The following CNTN3 variants were observed in gnomAD, a reference collection of about 807,000 sequenced individuals.
CNTN3 encodes contactin 3.
Under a neutral mutation model 119.1 loss-of-function variants are expected in CNTN3, and 60 were observed. The observed-to-expected ratio is 0.50, with a 90% CI of 0.41 to 0.62. The LOEUF is 0.62. Among genes scored for constraint, CNTN3 ranks in the 20% least tolerant of loss-of-function variants. The probability of loss-of-function intolerance (pLI) is 0.00; values close to 1 mark genes in which losing one functional copy is unlikely to be tolerated. For missense variants in CNTN3, 1,101 were observed against 1,242.4 expected (o/e 0.89, Z 1.71); for synonymous variants, 450 against 438.7 (o/e 1.03, Z -0.32).
intron 5 of CNTN3, among the ~76,000 whole-genome samples, chr3:74,417,477 A>C (rs938142508): frequency 2.6e-5 from 4 of 152,226 alleles, no homozygotes; most frequent in African/African-American, 9.6e-5. Flanking sequence ...ATCTTCCACA[A>C]ATAAATAGCT....
chr3:74,606,861 CTT>C (rs1705000802), intron 1 of CNTN3, among the ~76,000 whole-genome samples: 1 of 152,104 alleles, frequency 6.6e-6, no homozygotes, highest in African/African-American at 2.4e-5. Flanking sequence ...AGTTTACAGA[CTT>C]AATTTCACAG....
intron 3 of CNTN3, among the ~76,000 whole-genome samples, chr3:74,489,685 A>C (rs1702927756): frequency 6.7e-6 from 1 of 149,786 alleles, no homozygotes; most frequent in African/African-American, 2.5e-5. Flanking sequence ...CAGCATAATG[A>C]AAAGAAATGG....
intron 13 of CNTN3, among the ~76,000 whole-genome samples, chr3:74,317,577 T>A (rs1336256314): frequency 6.6e-6 from 1 of 152,092 alleles, no homozygotes; most frequent in Non-Finnish European, 1.5e-5. Context: ...TAAAGGATTT[T>A]ATTTCTCCTT....
chr3:74,604,818 C>T (rs72885387), intron 1 of CNTN3, among the ~76,000 whole-genome samples: 32,216 of 151,948 alleles, frequency 0.21, 5,264 homozygotes, highest in African/African-American at 0.45. Context: ...TCAAAGGAAA[C>T]GAAATCAGTA....
At chr3:74,612,425 T>C (rs1705098807) in intron 1 of CNTN3, among the ~76,000 whole-genome samples, 2 of 152,204 alleles carry the variant, frequency 1.3e-5, no homozygotes, top group Non-Finnish European at 2.9e-5. Flanking sequence ...TCTGGTTGTG[T>C]TGTGAAGAAT....
chr3:74,390,965 A>G (rs1383905519), intron 5 of CNTN3, among the ~76,000 whole-genome samples: 1 of 152,240 alleles, frequency 6.6e-6, no homozygotes, highest in Non-Finnish European at 1.5e-5. Context: ...TATTTATCAT[A>G]TGATAATATG....
At chr3:74,515,399 A>C (rs191354101) in intron 2 of CNTN3, among the ~76,000 whole-genome samples, 2 of 152,156 alleles carry the variant, frequency 1.3e-5, no homozygotes, top group Admixed American at 6.6e-5. Flanking sequence ...CTCTTTCCAC[A>C]CTGGTGAGCA....
intron 13 of CNTN3, among the ~76,000 whole-genome samples, chr3:74,321,505 G>A (rs901415729): frequency 6.6e-5 from 10 of 151,686 alleles, no homozygotes; most frequent in Non-Finnish European, 1.2e-4. Flanking sequence ...TCAGAAAACT[G>A]GAAAAATAGA....
At position 74,381,157 on chromosome 3, in the gene CNTN3, A is replaced by T. The variant is rs554843993; in HGVS notation, c.455-9758T>A. On this transcript the variant is annotated intron_variant, in intron 5 of 22. Coordinates refer to ENST00000263665, the MANE Select transcript of CNTN3 (RefSeq NM_020872.3). Reference sequence around the variant, plus strand: ...CTTTTGTCCATTAGTAGCACATCAAACTATTCATCAGAGTTAAACACCATT... The same window carrying T: ...CTTTTGTCCATTAGTAGCACATCAATCTATTCATCAGAGTTAAACACCATT... Among the ~76,000 whole-genome samples, 6 of 151,584 alleles carry T rather than the reference A, an allele frequency of 4.0e-5. No homozygotes were observed. In the South Asian group the frequency reaches 1.3e-3, roughly 32 times the overall value.
chr3:74,563,069 C>A (rs1404901625), intron 1 of CNTN3, among the ~76,000 whole-genome samples: 1 of 152,128 alleles, frequency 6.6e-6, no homozygotes, highest in South Asian at 2.1e-4. Flanking sequence ...AACAGATCGT[C>A]CCACTGTTCC....
chr3:74,418,738 T>C (rs1206858258), intron 5 of CNTN3, among the ~76,000 whole-genome samples: 1 of 152,112 alleles, frequency 6.6e-6, no homozygotes. Flanking sequence ...ATTCTTGACT[T>C]CAAGATTTTG....
intron 11 of CNTN3, among the ~76,000 whole-genome samples, chr3:74,350,828 TAAAA>T (rs141102163): frequency 3.4e-5 from 5 of 145,278 alleles, no homozygotes; most frequent in Non-Finnish European, 7.6e-5. Context: ...AAACACAAAA[TAAAA>T]AAAAAAGCAC....
intron 11 of CNTN3, among the ~76,000 whole-genome samples, chr3:74,344,509 TC>T (rs1288310013): frequency 2.1e-5 from 3 of 142,896 alleles, no homozygotes; most frequent in African/African-American, 8.1e-5. Flanking sequence ...CACTGCAAGC[TC>T]CGCCTCCCGA....
chr3:74,442,181 A>G (rs79491902), intron 4 of CNTN3, among the ~76,000 whole-genome samples: 1 of 68,350 alleles, frequency 1.5e-5, no homozygotes, highest in Non-Finnish European at 3.2e-5. Flanking sequence ...ACACACAGAG[A>G]GAGAGAGATT....
At chr3:74,471,408 T>C (rs529364910) in intron 4 of CNTN3, among the ~76,000 whole-genome samples, 1 of 152,338 alleles carries the variant, frequency 6.6e-6, no homozygotes, top group Admixed American at 6.5e-5. Context: ...ATCATTTTTA[T>C]CTCAAGATTT....
At chr3:74,607,488 G>A (rs1453734245) in intron 1 of CNTN3, among the ~76,000 whole-genome samples, 1 of 152,188 alleles carries the variant, frequency 6.6e-6, no homozygotes, top group African/African-American at 2.4e-5. Flanking sequence ...TTGGGGCCCT[G>A]CCCTAGTGGC....
chr3:74,523,310 TAA>T (rs1278316346), intron 1 of CNTN3, among the ~76,000 whole-genome samples: 1 of 151,734 alleles, frequency 6.6e-6, no homozygotes, highest in Non-Finnish European at 1.5e-5. Flanking sequence ...GATAGATAGA[TAA>T]GAGTGGAAAA....
intron 11 of CNTN3, among the ~76,000 whole-genome samples, chr3:74,345,903 T>G (rs1703678204): frequency 6.6e-6 from 1 of 152,226 alleles, no homozygotes; most frequent in Non-Finnish European, 1.5e-5. Context: ...TCCACAAATA[T>G]TTATTAACAT....
At chr3:74,411,128 A>C (rs1446342932) in intron 5 of CNTN3, among the ~76,000 whole-genome samples, 1 of 151,640 alleles carries the variant, frequency 6.6e-6, no homozygotes, top group Non-Finnish European at 1.5e-5. Context: ...TTGTCATCCC[A>C]GTGTCCTATC....
Sources: gnomAD v4.1 joint callset for allele counts (sites outside exome capture counted in the v4.1 genomes callset) on GRCh38, gnomAD v4.1.1 for gene constraint, MANE v1.5 for transcripts, NCBI Gene and HGNC (gene_info 2026-07-23, HGNC 2026-07-21) for gene names.